Variants in TRIO observed in about 807,000 individuals in gnomAD.
TRIO encodes the protein trio Rho guanine nucleotide exchange factor, also known as triple functional domain protein.
Under a neutral mutation model 351.9 loss-of-function variants are expected in TRIO, and 58 were observed. The observed-to-expected ratio is 0.16, with a 90% CI of 0.13 to 0.21. The LOEUF (loss-of-function observed/expected upper bound fraction) is 0.21, where lower values mean the gene tolerates loss of function less well. Ranked by LOEUF, TRIO falls within the 10% of genes least tolerant of loss-of-function variation. The probability of loss-of-function intolerance (pLI) is 1.00; values close to 1 mark genes in which losing one functional copy is unlikely to be tolerated. For synonymous variants in TRIO, 1,758 were observed against 1,595.7 expected (o/e 1.10, Z -2.42); for missense variants, 3,201 against 4,027.8 (o/e 0.79, Z 5.56).
chr5:14,161,175 G>T (rs1046463300), intron 1 of TRIO, among the ~76,000 whole-genome samples: 1 of 152,170 alleles, frequency 6.6e-6, no homozygotes, highest in African/African-American at 2.4e-5. Context: ...AAAGTGCTGG[G>T]ATTACAGGTG....
At chr5:14,152,495 A>G (rs1787898591) in intron 1 of TRIO, among the ~76,000 whole-genome samples, 1 of 152,044 alleles carries the variant, frequency 6.6e-6, no homozygotes, top group Non-Finnish European at 1.5e-5. Context: ...TTAGCCTCCC[A>G]AGTAGCTGGG....
At position 14,405,988 on chromosome 5, in the gene TRIO, G is replaced by A. The variant is rs1748679680; in HGVS notation, c.4857G>A (p.Arg1619=). The A allele has an allele frequency of 6.2e-7, 1 of 1,613,272 alleles. No homozygotes were observed. Among genetic ancestry groups the A allele is most frequent in the Non-Finnish European group, 8.5e-7 (1 of 1,179,756 alleles). Residue 1619 remains arginine, a splice_region_variant and synonymous_variant, in exon 32 of 57, where the codon AGG becomes AGA. Transcript: ENST00000344204. ...KTAPATRQKG[R]RDGEDLDSQG... The stretch of plus-strand genomic sequence containing the variant: ...CTCCCGCCACAAGACAGAAGGGAAG[G>A]AGGTGCGTGTCTGGGCGCCACTGGA...
intron 33 of TRIO, among the ~76,000 whole-genome samples, chr5:14,415,329 C>T (rs578205472): frequency 6.6e-6 from 1 of 152,262 alleles, no homozygotes; most frequent in Admixed American, 6.5e-5. Context: ...GAGAGAGCCC[C>T]CTCTTCCTCA....
intron 13 of TRIO, among the ~76,000 whole-genome samples, chr5:14,360,360 T>A (rs1460268335): frequency 6.6e-6 from 1 of 152,098 alleles, no homozygotes; most frequent in Non-Finnish European, 1.5e-5. Flanking sequence ...TGAGCACGAA[T>A]TTACCTGGGA....
chr5:14,147,497 A>G lies in TRIO; in HGVS notation c.157+3615A>G, dbSNP rs184076772. On this transcript the variant is annotated intron_variant, in intron 1 of 56. Transcript: ENST00000344204. ...TGCTTACATAAATGCAGTATTTTTA[A>G]CCTGCCTGGCACGCTTTAGGTTGGC... Among the ~76,000 whole-genome samples the G allele has an allele frequency of 7.2e-4, 110 of 152,228 alleles. 1 individual carries two copies. Among genetic ancestry groups the G allele is most frequent in the African/African-American group, 2.6e-3 (108 of 41,538 alleles).
At chr5:14,150,612 A>G (rs1164673812) in intron 1 of TRIO, among the ~76,000 whole-genome samples, 1 of 152,244 alleles carries the variant, frequency 6.6e-6, no homozygotes, top group Admixed American at 6.5e-5. Context: ...AATTAAAAGA[A>G]GTATGAATGG....
At chr5:14,414,363 C>A (rs1416860680) in intron 33 of TRIO, among the ~76,000 whole-genome samples, 2 of 152,184 alleles carry the variant, frequency 1.3e-5, no homozygotes, top group Non-Finnish European at 2.9e-5. Flanking sequence ...GGTTTGCCTA[C>A]CCTTTTTAGT....
chr5:14,426,126 C>T (rs943904267), intron 34 of TRIO, among the ~76,000 whole-genome samples: 6 of 152,122 alleles, frequency 3.9e-5, no homozygotes, highest in African/African-American at 9.7e-5. Flanking sequence ...TGTTACCATA[C>T]TCTCTTGCTT....
chr5:14,249,649 A>G (rs931210927), intron 1 of TRIO, among the ~76,000 whole-genome samples: 2 of 152,170 alleles, frequency 1.3e-5, no homozygotes, highest in African/African-American at 2.4e-5. Flanking sequence ...ACATTTTGTG[A>G]GCAGGTTTCT....
At chr5:14,303,566 G>A (rs894682862) in intron 7 of TRIO, among the ~76,000 whole-genome samples, 1 of 150,430 alleles carries the variant, frequency 6.6e-6, no homozygotes, top group Non-Finnish European at 1.5e-5. Flanking sequence ...GGAGATGGAG[G>A]GGGCAGTGGA....
intron 34 of TRIO, among the ~76,000 whole-genome samples, chr5:14,431,883 A>C (rs1034385290): frequency 3.9e-5 from 6 of 152,186 alleles, no homozygotes; most frequent in Admixed American, 1.3e-4. Flanking sequence ...ATAGCTGTCT[A>C]TCTCCCTATT....
intron 3 of TRIO, 66 bp downstream of exon 3, chr5:14,280,502 G>A (rs893941289): frequency 2.5e-5 from 35 of 1,396,128 alleles, no homozygotes; most frequent in Non-Finnish European, 2.6e-5. Flanking sequence ...CGCTATACTC[G>A]TTAGAAATCA....
Position 14,390,468 on chromosome 5 carries a change from G to A in TRIO, c.4128+168G>A, listed in dbSNP as rs34560795. ...TTGCATACTTCAACTAATTGTTTTT[G>A]TGGAGTGAGTTTTTTTATTGGCCCT... On this transcript the variant is annotated intron_variant, in intron 26 of 56. Coordinates refer to ENST00000344204, the MANE Select transcript of TRIO (RefSeq NM_007118.4). 58,693 of 647,612 alleles carry A rather than the reference G, an allele frequency of 0.091. 3,173 individuals carry two copies. The highest frequency in any genetic ancestry group is 0.14 in the South Asian group (6,659 of 48,352). 40.1% of individuals were successfully genotyped at this position (647,612 alleles called of 1,614,324 possible).
At chr5:14,264,535 A>T (rs1408442070) in intron 1 of TRIO, among the ~76,000 whole-genome samples, 1 of 152,196 alleles carries the variant, frequency 6.6e-6, no homozygotes, top group Non-Finnish European at 1.5e-5. Flanking sequence ...TAAAAAAATA[A>T]TATAAGCATT....
At chr5:14,175,228 T>C (rs1789335291) in intron 1 of TRIO, among the ~76,000 whole-genome samples, 1 of 152,186 alleles carries the variant, frequency 6.6e-6, no homozygotes, top group Non-Finnish European at 1.5e-5. Context: ...CTGTCAGGAT[T>C]TAAATTTTTC....
At chr5:14,447,727 T>C (rs1014626383) in intron 34 of TRIO, among the ~76,000 whole-genome samples, 4 of 152,254 alleles carry the variant, frequency 2.6e-5, no homozygotes, top group African/African-American at 9.6e-5. Flanking sequence ...AAAATAAATA[T>C]TCATTATGAA....
intron 34 of TRIO, among the ~76,000 whole-genome samples, chr5:14,455,956 G>A (rs1175825253): frequency 1.3e-5 from 2 of 152,262 alleles, no homozygotes; most frequent in African/African-American, 4.8e-5. Flanking sequence ...CTGCGTGGGA[G>A]CCCACCGCAG....
intron 33 of TRIO, among the ~76,000 whole-genome samples, chr5:14,416,408 A>G (rs777145028): frequency 6.6e-6 from 1 of 152,076 alleles, no homozygotes; most frequent in African/African-American, 2.4e-5. Context: ...TCTCTGGGCT[A>G]GAAAACACCC....
At chr5:14,303,298 A>G (rs1438343676) in intron 7 of TRIO, among the ~76,000 whole-genome samples, 1 of 127,124 alleles carries the variant, frequency 7.9e-6, no homozygotes, top group East Asian at 2.5e-4. Flanking sequence ...AGTGGAGGAG[A>G]TTGAGCCGGG....
Sources: gnomAD v4.1 joint callset for allele counts (sites outside exome capture counted in the v4.1 genomes callset) on GRCh38, gnomAD v4.1.1 for gene constraint, MANE v1.5 for transcripts, NCBI Gene and HGNC (gene_info 2026-07-23, HGNC 2026-07-21) for gene names.